SGCZ: variants seen among roughly 807,000 people sequenced by gnomAD.
SGCZ encodes the protein zeta-sarcoglycan.
In SGCZ, 40 loss-of-function variants were observed where a neutral mutation model predicts 41.3. The ratio of observed to expected loss-of-function variants is 0.97; its 90% CI spans 0.75 to 1.26. The LOEUF (loss-of-function observed/expected upper bound fraction) is 1.26, where lower values mean the gene tolerates loss of function less well. SGCZ is among the 50% of genes most tolerant of loss of function. The pLI, the probability that SGCZ is intolerant of heterozygous loss-of-function variation, is 0.00. For missense variants in SGCZ, 552 were observed against 369.8 expected, an observed-to-expected ratio of 1.49 and a Z score of -4.04; for synonymous variants, 206 against 137.5, an observed-to-expected ratio of 1.50 and a Z score of -3.49.
At chr8:14,354,429 C>A (rs1281341910) in intron 2 of SGCZ, among the ~76,000 whole-genome samples, 1 of 151,644 alleles carries the variant, frequency 6.6e-6, no homozygotes, top group Non-Finnish European at 1.5e-5. Context: ...AAGATATTTT[C>A]TAAGGAAAAG....
Position 14,314,389 on chromosome 8 carries a change from A to AT in SGCZ, c.336+9713dup, listed in dbSNP as rs574143181. 3.6e-4 allele frequency among the ~76,000 whole-genome samples: 55 copies of AT among 152,044 alleles called. 1 individual carries two copies. The South Asian group carries it at 1.0e-2, about 28-fold the overall frequency. On this transcript the variant is annotated intron_variant, in intron 3 of 7. Coordinates refer to ENST00000382080, the MANE Select transcript of SGCZ (RefSeq NM_139167.4). ...TCAACCAATATAAATCAAAATACAG[A>AT]TTTTTTTTCTGAATATGTAAAAAAG...
chr8:14,664,041 T>A (rs1201662143), intron 1 of SGCZ, among the ~76,000 whole-genome samples: 1 of 152,158 alleles, frequency 6.6e-6, no homozygotes, highest in Non-Finnish European at 1.5e-5. Context: ...CCAACTATGT[T>A]AAAGCTCTCT....
intron 5 of SGCZ, among the ~76,000 whole-genome samples, chr8:14,118,765 C>T (rs953339991): frequency 1.3e-5 from 2 of 152,164 alleles, no homozygotes; most frequent in African/African-American, 2.4e-5. Flanking sequence ...GGTCCAGTGT[C>T]AGTTTTCTGC....
At chr8:14,982,638 A>G (rs1380476470) in intron 1 of SGCZ, among the ~76,000 whole-genome samples, 1 of 152,366 alleles carries the variant, frequency 6.6e-6, no homozygotes, top group Admixed American at 6.5e-5. Context: ...TTGTAAATGA[A>G]CTAAATCGAT....
chr8:14,568,050 A>G (rs551676020), intron 1 of SGCZ, among the ~76,000 whole-genome samples: 56 of 150,774 alleles, frequency 3.7e-4, no homozygotes, highest in African/African-American at 1.4e-3. Context: ...ACCTCCTTTC[A>G]GTGTTGGTAT....
chr8:14,370,484 T>C (rs1273596773), intron 2 of SGCZ, among the ~76,000 whole-genome samples: 2 of 152,098 alleles, frequency 1.3e-5, no homozygotes, highest in Admixed American at 1.3e-4. Flanking sequence ...AAACTCTAAA[T>C]ATGAAAAGTG....
intron 4 of SGCZ, among the ~76,000 whole-genome samples, chr8:14,193,336 A>ATT (rs35536356): frequency 0.029 from 4,340 of 151,256 alleles, 93 homozygotes; most frequent in South Asian, 0.065. Flanking sequence ...GCAGCATGCT[A>ATT]TTTTTTTTAC....
rs551563268 is a variant in SGCZ at position 14,228,273 on chromosome 8, C to G, written c.424+9319G>C. Among the ~76,000 whole-genome samples, 4 of 152,144 alleles carry G rather than the reference C, an allele frequency of 2.6e-5. No individual in the cohort carries two copies. In the East Asian group the frequency reaches 7.7e-4, roughly 29 times the overall value. ...CCCACAAAGGAAGCCTCATTAAAAA[C>G]AATACTTGGTTAAGTATATAAGCTA... On this transcript the variant is annotated intron_variant, in intron 4 of 7. Transcript: ENST00000382080.
intron 1 of SGCZ, among the ~76,000 whole-genome samples, chr8:15,138,784 G>A (rs1808210970): frequency 6.6e-6 from 1 of 152,132 alleles, no homozygotes; most frequent in Non-Finnish European, 1.5e-5. Context: ...AGCAGTGTGA[G>A]AAGATAGTAA....
At chr8:14,374,196 G>C (rs990395275) in intron 2 of SGCZ, among the ~76,000 whole-genome samples, 2 of 152,002 alleles carry the variant, frequency 1.3e-5, no homozygotes, top group Non-Finnish European at 2.9e-5. Context: ...TGGACAACAT[G>C]GCAAAACACT....
chr8:14,735,366 C>A (rs180697089), intron 1 of SGCZ, among the ~76,000 whole-genome samples: 1 of 152,154 alleles, frequency 6.6e-6, no homozygotes, highest in Non-Finnish European at 1.5e-5. Flanking sequence ...GCCGCCAGCA[C>A]GGCTAAAACA....
intron 7 of SGCZ, among the ~76,000 whole-genome samples, chr8:14,099,637 A>C (rs1037996207): frequency 6.6e-6 from 1 of 152,088 alleles, no homozygotes; most frequent in Non-Finnish European, 1.5e-5. Context: ...AGGCAGGACA[A>C]TCGCTTGAAC....
intron 2 of SGCZ, among the ~76,000 whole-genome samples, chr8:14,437,119 T>A (rs1800115974): frequency 6.6e-6 from 1 of 152,180 alleles, no homozygotes; most frequent in African/African-American, 2.4e-5. Context: ...TTGTCAACAT[T>A]TGGAAATTCT....
chr8:14,947,193 C>T (rs550736388), intron 1 of SGCZ, among the ~76,000 whole-genome samples: 6 of 152,114 alleles, frequency 3.9e-5, no homozygotes, highest in Non-Finnish European at 2.9e-5. Flanking sequence ...CTGTTCCTGC[C>T]GTAAGCGAAG....
chr8:14,468,193 G>C (rs568576956), intron 2 of SGCZ, among the ~76,000 whole-genome samples: 1 of 152,056 alleles, frequency 6.6e-6, no homozygotes, highest in African/African-American at 2.4e-5. Context: ...ATGTGATTTT[G>C]ATTGAGTTCA....
intron 4 of SGCZ, among the ~76,000 whole-genome samples, chr8:14,218,596 G>A (rs1034470143): frequency 6.6e-6 from 1 of 152,184 alleles, no homozygotes; most frequent in Non-Finnish European, 1.5e-5. Context: ...ATGTGTTTAT[G>A]TTAAATGACA....
intron 7 of SGCZ, among the ~76,000 whole-genome samples, chr8:14,101,931 C>G (rs180788574): frequency 6.6e-6 from 1 of 151,636 alleles, no homozygotes; most frequent in Non-Finnish European, 1.5e-5. Context: ...CTCGCTCTGT[C>G]GCCCCAGGCT....
chr8:14,326,111 CAAAA>C (rs56152915), intron 2 of SGCZ, among the ~76,000 whole-genome samples: 2 of 37,904 alleles, frequency 5.3e-5, no homozygotes, highest in Non-Finnish European at 4.4e-5. Context: ...GACTCCGTCT[CAAAA>C]AAAAAAAAAA....
intron 1 of SGCZ, among the ~76,000 whole-genome samples, chr8:14,921,042 A>C (rs925256236): frequency 3.9e-5 from 6 of 152,264 alleles, no homozygotes; most frequent in South Asian, 2.1e-4. Flanking sequence ...TTAGGGTAAA[A>C]AGGTCCAACC....
Sources: allele counts gnomAD v4.1 joint callset (sites outside exome capture counted in the v4.1 genomes callset), GRCh38; gene constraint gnomAD v4.1.1; transcripts MANE v1.5; gene names NCBI Gene and HGNC (gene_info 2026-07-23, HGNC 2026-07-21).